INTS2: variants seen among roughly 807,000 people sequenced by gnomAD.
INTS2 encodes KIAA1287.
Under a neutral mutation model 139.6 loss-of-function variants are expected in INTS2, and 57 were observed. The ratio of observed to expected loss-of-function variants is 0.41; its 90% confidence interval spans 0.33 to 0.51. INTS2 has a LOEUF of 0.51. INTS2 is among the 20% of genes least tolerant of loss of function. INTS2 has a pLI of 0.28. For missense variants in INTS2, 1,196 were observed against 1,436.7 expected (o/e 0.83, Z 2.71); for synonymous variants, 473 against 493.4 (o/e 0.96, Z 0.55).
intron 5 of INTS2, among the ~76,000 whole-genome samples, chr17:61,914,671 C>G (rs2079560978): frequency 6.7e-6 from 1 of 149,230 alleles, no homozygotes; most frequent in Non-Finnish European, 1.5e-5. Context: ...CCACTGCATT[C>G]CAGCCTGGGC....
Position 61,911,710 on chromosome 17 carries a change from A to C in INTS2, c.781-17T>G, listed in dbSNP as rs777147855. On this transcript the variant is annotated splice_polypyrimidine_tract_variant and intron_variant, in intron 6 of 24. Coordinates refer to ENST00000251334, the MANE Select transcript of INTS2 (RefSeq NM_001351695.2). ...TTCTTCCACCTAGCACAGAAAAGAA[A>C]ACAAACTGAATTCAGTATCATAAGC... The C allele has an allele frequency of 8.7e-6, 14 of 1,604,502 alleles. No homozygotes were observed. The African/African-American group carries it at 1.5e-4, about 17-fold the overall frequency.
intron 15 of INTS2, among the ~76,000 whole-genome samples, chr17:61,885,582 G>A (rs2079219733): frequency 6.6e-6 from 1 of 151,610 alleles, no homozygotes; most frequent in Admixed American, 6.6e-5. Context: ...ACCATGCCTG[G>A]CTAATTTTTG....
In INTS2 at chr17:61,868,047, A is replaced by C. The variant is rs1261596644; in HGVS notation, c.3245-38T>G. On this transcript the variant is annotated intron_variant, in intron 23 of 24. Transcript: ENST00000251334. The surrounding 1 kb of genome is among the most constrained non-coding windows in gnomAD (Gnocchi z 4.7). ...AATGAAACAATATTTTAGTTTACAA[A>C]TATAAATTCAACACAGCTTACACAA... 2 of 1,463,018 alleles carry C rather than the reference A, an allele frequency of 1.4e-6. No individual in the cohort carries two copies. Among genetic ancestry groups the C allele is most frequent in the Non-Finnish European group, 1.8e-6 (2 of 1,093,574 alleles). The allele number at this position is 1,463,018 out of a possible 1,614,324, so 90.6% of individuals were successfully genotyped here.
intron 17 of INTS2, among the ~76,000 whole-genome samples, chr17:61,880,727 G>A (rs1197403831): frequency 1.3e-5 from 2 of 150,346 alleles, no homozygotes; most frequent in Non-Finnish European, 2.9e-5. Context: ...ACTCCAGCCT[G>A]GGTGACAGAG....
chr17:61,913,553 C>A (rs1411314689), intron 5 of INTS2, among the ~76,000 whole-genome samples: 1 of 152,114 alleles, frequency 6.6e-6, no homozygotes, highest in Admixed American at 6.6e-5. Flanking sequence ...TGGCTTCAAA[C>A]AATCCTCCCG....
Position 61,926,553 on chromosome 17 carries a change from T to A in INTS2, c.92A>T (p.Asp31Val). 6.2e-7 allele frequency: 1 copy of A among 1,613,540 alleles called. No individual in the cohort carries two copies. Among genetic ancestry groups the A allele is most frequent in the Non-Finnish European group, 8.5e-7 (1 of 1,179,668 alleles). The change falls in exon 2 of 25, where the codon GAT becomes GTT. Residue 31 changes from aspartate to valine, a missense_variant. Physicochemically the swap from Asp to Val is radical, Grantham distance 152 (BLOSUM62 -3). Transcript: ENST00000251334. Reference sequence around the variant, plus strand: ...GGGCAGAAGAAGTCTTAATTCTGGATCACTTAAAGATGCCAGGCAAACAAC... The same window carrying A: ...GGGCAGAAGAAGTCTTAATTCTGGAACACTTAAAGATGCCAGGCAAACAAC... ...VDVVCLASLS[D>V]PELRLLLPCL... is the part of the protein sequence containing the mutation.
rs371909013 is a variant in INTS2, at chr17:61,897,600, G to A, written c.1380-17C>T. 8.2e-6 allele frequency: 13 copies of A among 1,587,110 alleles called. No individual in the cohort carries two copies. In the African/African-American group the frequency reaches 1.6e-4, roughly 20 times the overall value. ...CCTGAAGTACTGTCAAAACAAAATA[G>A]GAAATATGAATTTTCCAAAGAGAGA... is the stretch of plus-strand genomic sequence containing the variant. On this transcript the variant is annotated splice_polypyrimidine_tract_variant and intron_variant, in intron 10 of 24. Coordinates refer to ENST00000251334, the MANE Select transcript of INTS2 (RefSeq NM_001351695.2). The surrounding 1 kb of genome is among the most constrained non-coding windows in gnomAD (Gnocchi z 4.4).
At chr17:61,884,757 G>A (rs1158313704) in intron 16 of INTS2, 144 bp downstream of exon 16, 16 of 640,750 alleles carry the variant, frequency 2.5e-5, no homozygotes, top group South Asian at 1.1e-4. Flanking sequence ...TGAAATAATA[G>A]ATTTAGTGAG....
At position 61,897,371 on chromosome 17, in the gene INTS2, T is replaced by C; in HGVS notation, c.1494+98A>G. 5.9e-6 allele frequency: 4 copies of C among 677,648 alleles called. No individual in the cohort carries two copies. Among genetic ancestry groups the C allele is most frequent in the Non-Finnish European group, 9.5e-6 (4 of 420,288 alleles). 42.0% of individuals were successfully genotyped at this position (677,648 alleles called of 1,614,324 possible). On this transcript the variant is annotated intron_variant, in intron 11 of 24. Transcript: ENST00000251334. The surrounding 1 kb of genome is among the most constrained non-coding windows in gnomAD (Gnocchi z 4.4). ...CTTGATAAAACTTCTATTAAACAAT[T>C]AAAATTACTTAAATGAAAACAATCT...
rs11312680 is a variant in INTS2, at chr17:61,890,609, C to CAA, written c.1876-717_1876-716dup. Among the ~76,000 whole-genome samples the CAA allele has an allele frequency of 6.8e-3, 810 of 119,562 alleles. 6 individuals are homozygous for CAA. The highest frequency in any genetic ancestry group is 0.011 in the Non-Finnish European group (640 of 56,476). The allele number at this position is 119,562 out of a possible 152,430, so 78.4% of individuals were successfully genotyped here. A position where few individuals can be genotyped will look rare whatever the true frequency, so the allele number is the denominator to read the frequency against. On this transcript the variant is annotated intron_variant, in intron 14 of 24. Transcript: ENST00000251334. ...GGGGCAACAGAGTGAGACTCTGTCTCAAAAAAAAAAAAAAAAATCCCCCTA... is the reference window on the plus strand; with the variant it reads ...GGGGCAACAGAGTGAGACTCTGTCTCAAAAAAAAAAAAAAAAAAATCCCCCTA...
Position 61,927,700 on chromosome 17 carries a change from G to A in INTS2, c.-65C>T. ...TCACGGAACCGCACACGGACTCCGC[G>A]TCCTAGAGGCGGGACGCGGCAGAAA... On this transcript the variant is annotated 5_prime_UTR_variant, in exon 1 of 25. The change creates a new upstream start codon in the 5' untranslated region. Coordinates refer to ENST00000251334, the MANE Select transcript of INTS2 (RefSeq NM_001351695.2). 7 of 1,444,428 alleles carry A rather than the reference G, an allele frequency of 4.8e-6. No homozygotes were observed. The highest frequency in any genetic ancestry group is 6.3e-6 in the Non-Finnish European group (7 of 1,102,640). 89.5% of individuals were successfully genotyped at this position (1,444,428 alleles called of 1,614,324 possible).
intron 5 of INTS2, among the ~76,000 whole-genome samples, chr17:61,916,931 T>C (rs190593055): frequency 2.0e-5 from 3 of 151,780 alleles, no homozygotes; most frequent in African/African-American, 7.2e-5. Flanking sequence ...TATAAGGACA[T>C]AAACAATTCA....
chr17:61,884,793 G>A (rs1049051321), intron 16 of INTS2, 108 bp downstream of exon 16: 6 of 728,410 alleles, frequency 8.2e-6, no homozygotes, highest in Non-Finnish European at 1.4e-5. Flanking sequence ...TTTCACTCTT[G>A]AACTGTTTGA....
chr17:61,919,948 T>C (rs1240750613), intron 4 of INTS2, among the ~76,000 whole-genome samples: 1 of 152,132 alleles, frequency 6.6e-6, no homozygotes, highest in African/African-American at 2.4e-5. Flanking sequence ...ACAAATGTCA[T>C]CTAAAATAAA....
intron 5 of INTS2, among the ~76,000 whole-genome samples, chr17:61,916,360 G>C (rs557152473): frequency 3.9e-5 from 6 of 152,288 alleles, no homozygotes; most frequent in African/African-American, 1.2e-4. Flanking sequence ...CGTGAACCCA[G>C]CAGGCAGAGC....
chr17:61,884,424 TG>T (rs1567895026), intron 16 of INTS2, among the ~76,000 whole-genome samples: 2 of 151,484 alleles, frequency 1.3e-5, no homozygotes. Flanking sequence ...ACCCAGGAGG[TG>T]GGGGTTACAG....
In INTS2 at chr17:61,873,288, C is replaced by CT. The variant is rs1412260337; in HGVS notation, c.2583-829dup. The stretch of plus-strand genomic sequence containing the variant: ...ACTGTAATCCCAGCTACTCAGGAGG[C>CT]TGAGGCAAGAGGATTGCTTAAGCCC... On this transcript the variant is annotated intron_variant, in intron 19 of 24. Transcript: ENST00000251334. This position sits in a 1 kb window ranked among gnomAD's most constrained non-coding sequence, Gnocchi z 4.0. Among the ~76,000 whole-genome samples, 22 of 152,104 alleles carry CT rather than the reference C, an allele frequency of 1.4e-4. No homozygotes were observed. The highest frequency in any genetic ancestry group is 1.3e-4 in the Non-Finnish European group (9 of 68,024).
chr17:61,881,118 T>C lies in INTS2; in HGVS notation c.2143A>G (p.Ile715Val), dbSNP rs1259726850. ...TCTTCACAAATCCAGTCATCCACAATACATAAATGTGGGTAGTTAGTAGCA... is the reference window on the plus strand; with the variant it reads ...TCTTCACAAATCCAGTCATCCACAACACATAAATGTGGGTAGTTAGTAGCA... Reference protein sequence around the residue: ...LLATNYPHLCIVDDWICEEEI... With the variant: ...LLATNYPHLCVVDDWICEEEI... Residue 715 changes from isoleucine to valine, a missense_variant, in exon 17 of 25, where the codon ATT (isoleucine) becomes GTT (valine). Ile to Val is a conservative substitution (Grantham distance 29). Around this residue, in one of 3 missense-constraint regions of INTS2, gnomAD observed 1,129 missense variants for 1,341.9 expected, o/e 0.84. Coordinates refer to ENST00000251334, the MANE Select transcript of INTS2 (RefSeq NM_001351695.2). The C allele has an allele frequency of 2.5e-6, 4 of 1,613,638 alleles. No individual in the cohort carries two copies. Among genetic ancestry groups the C allele is most frequent in the Non-Finnish European group, 2.5e-6 (3 of 1,179,592 alleles).
In INTS2 at chr17:61,897,600, G is replaced by C. The variant is rs371909013; in HGVS notation, c.1380-17C>G. On this transcript the variant is annotated splice_polypyrimidine_tract_variant and intron_variant, in intron 10 of 24. Coordinates refer to ENST00000251334, the MANE Select transcript of INTS2 (RefSeq NM_001351695.2). This position sits in a 1 kb window ranked among gnomAD's most constrained non-coding sequence, Gnocchi z 4.4. ...CCTGAAGTACTGTCAAAACAAAATA[G>C]GAAATATGAATTTTCCAAAGAGAGA... 6.3e-7 allele frequency: 1 copy of C among 1,587,110 alleles called. No homozygotes were observed. Among genetic ancestry groups the C allele is most frequent in the African/African-American group, 1.3e-5 (1 of 74,276 alleles).
Sources: gnomAD v4.1 joint callset for allele counts (sites outside exome capture counted in the v4.1 genomes callset) on GRCh38, gnomAD v4.1.1 for gene constraint, gnomAD v4.1.1 regional missense constraint, Gnocchi (gnomAD v3.1) non-coding constraint, MANE v1.5 for transcripts, NCBI Gene and HGNC (gene_info 2026-07-23, HGNC 2026-07-21) for gene names.